The following ABR variants were observed in gnomAD, a reference collection of about 807,000 sequenced individuals.
ABR encodes the protein active breakpoint cluster region-related protein.
ABR carries 35 observed loss-of-function variants against 107.2 expected under a neutral mutation model. The observed-to-expected ratio is 0.33, with a 90% CI of 0.25 to 0.43. The LOEUF is 0.43. ABR is among the 20% of genes least tolerant of loss of function. The pLI, the probability that ABR is intolerant of heterozygous loss-of-function variation, is 1.00. For missense variants in ABR, 815 were observed against 1,115.2 expected (o/e 0.73, Z 3.83); for synonymous variants, 498 against 462.0 (o/e 1.08, Z -1.00).
rs2037810668 is a variant in ABR at position 1,100,812 on chromosome 17, C to T, written c.247-77G>A. The T allele has an allele frequency of 2.9e-6, 4 of 1,360,076 alleles. No homozygotes were observed. The African/African-American group carries it at 4.3e-5, about 15-fold the overall frequency. The allele number at this position is 1,360,076 out of a possible 1,614,324, so 84.3% of individuals were successfully genotyped here. A position where few individuals can be genotyped will look rare whatever the true frequency, so the allele number is the denominator to read the frequency against. ...CCTGCGTGGACGGTCTGCTTCCCTGCCCTTCCCCCCCGACCTTTATTTTTT... is the reference window on the plus strand; with the variant it reads ...CCTGCGTGGACGGTCTGCTTCCCTGTCCTTCCCCCCCGACCTTTATTTTTT... On this transcript the variant is annotated intron_variant, in intron 2 of 22. Transcript: ENST00000302538.
At chr17:1,177,452 G>T (rs750268946) in intron 1 of ABR, among the ~76,000 whole-genome samples, 38 of 152,330 alleles carry the variant, frequency 2.5e-4, no homozygotes, top group Non-Finnish European at 4.0e-4. Context: ...GTGCCAATCT[G>T]CCTGAATCAG....
At position 1,011,719 on chromosome 17, in the gene ABR, C is replaced by T. The variant is rs147649079; in HGVS notation, c.2101+127G>A. The stretch of plus-strand genomic sequence containing the variant: ...GGATTACAAGAGAAAGCACTTGCCA[C>T]GGGGACTCTGAAGCAGAGCAAGCCT... On this transcript the variant is annotated intron_variant, in intron 19 of 22. Coordinates refer to ENST00000302538, the MANE Select transcript of ABR (RefSeq NM_021962.5). This position sits in a 1 kb window ranked among gnomAD's most constrained non-coding sequence, Gnocchi z 4.8. 6.0e-4 allele frequency: 738 copies of T among 1,228,710 alleles called. 2 individuals are homozygous for T. Among genetic ancestry groups the T allele is most frequent in the Non-Finnish European group, 7.1e-4 (649 of 917,110 alleles). The allele number at this position is 1,228,710 out of a possible 1,614,324, so 76.1% of individuals were successfully genotyped here.
intron 1 of ABR, among the ~76,000 whole-genome samples, chr17:1,144,246 G>A (rs187452341): frequency 6.6e-6 from 1 of 152,186 alleles, no homozygotes; most frequent in South Asian, 2.1e-4. Flanking sequence ...GCCATGATAC[G>A]ACGAAAGCTG....
At chr17:1,075,777 C>T (rs1416444769) in intron 6 of ABR, among the ~76,000 whole-genome samples, 1 of 152,134 alleles carries the variant, frequency 6.6e-6, no homozygotes, top group African/African-American at 2.4e-5. Context: ...CAGGGTGGCT[C>T]ACGCCTGTAA....
intron 16 of ABR, among the ~76,000 whole-genome samples, chr17:1,041,362 C>G (rs140996466): frequency 6.6e-6 from 1 of 152,216 alleles, no homozygotes; most frequent in Non-Finnish European, 1.5e-5. Flanking sequence ...GTCACAGCAC[C>G]GACTGGCTCT....
intron 1 of ABR, among the ~76,000 whole-genome samples, chr17:1,170,327 G>A (rs555336427): frequency 2.0e-5 from 3 of 152,330 alleles, no homozygotes; most frequent in African/African-American, 7.2e-5. Flanking sequence ...GCACCGCTGT[G>A]AAGGGTAAGA....
chr17:1,190,735 C>T (rs2042413332), upstream of ABR, among the ~76,000 whole-genome samples: 1 of 152,144 alleles, frequency 6.6e-6, no homozygotes, highest in African/African-American at 2.4e-5. Context: ...GTGCCCGTCC[C>T]GTCTGCTCTC....
chr17:1,221,609 G>A (rs2043121084), intron 1 of ABR, among the ~76,000 whole-genome samples: 1 of 152,136 alleles, frequency 6.6e-6, no homozygotes. Flanking sequence ...CCAATCCCAG[G>A]TTCCACGGAA....
chr17:1,152,539 C>T (rs1290788731), intron 1 of ABR, among the ~76,000 whole-genome samples: 2 of 151,014 alleles, frequency 1.3e-5, no homozygotes, highest in East Asian at 1.9e-4. Context: ...TACAGTGAGC[C>T]GAGATCGCGC....
chr17:1,136,231 T>TTG (rs2040059724), intron 1 of ABR, among the ~76,000 whole-genome samples: 1 of 152,062 alleles, frequency 6.6e-6, no homozygotes, highest in Non-Finnish European at 1.5e-5. Context: ...TTTGTTTGGT[T>TTG]TTGTTGTTGT....
chr17:1,072,293 G>C (rs1035785400), intron 8 of ABR, among the ~76,000 whole-genome samples: 4 of 152,176 alleles, frequency 2.6e-5, no homozygotes, highest in Non-Finnish European at 5.9e-5. Context: ...GGTGACCAAG[G>C]GCTGAAAACC....
chr17:1,191,354 C>CTTTTTTTTTTTTTT (rs761910557), upstream of ABR, among the ~76,000 whole-genome samples: 101 of 96,458 alleles, frequency 1.0e-3, 2 homozygotes, highest in Non-Finnish European at 1.7e-3. Context: ...TTTTTCTTTT[C>CTTTTTTTTTTTTTT]TTTTTTTTTT....
At position 1,037,350 on chromosome 17, in the gene ABR, C is replaced by G. The variant is rs2073274994; in HGVS notation, c.1791+12700G>C. ...ACAGCTCCAGCCTCCCTCTGCCTGA[C>G]CTCCAGCCTCTCTCTGGCCACGTCA... On this transcript the variant is annotated intron_variant, in intron 16 of 22. Transcript: ENST00000302538. The surrounding 1 kb of genome is among the most constrained non-coding windows in gnomAD (Gnocchi z 4.6). 6.6e-6 allele frequency among the ~76,000 whole-genome samples: 1 copy of G among 152,168 alleles called. No individual in the cohort carries two copies. The highest frequency in any genetic ancestry group is 2.4e-5 in the African/African-American group (1 of 41,442).
At position 1,027,268 on chromosome 17, in the gene ABR, T is replaced by G. The variant is rs1439850184; in HGVS notation, c.1792-14104A>C. On this transcript the variant is annotated intron_variant, in intron 16 of 22. Transcript: ENST00000302538. This position sits in a 1 kb window ranked among gnomAD's most constrained non-coding sequence, Gnocchi z 4.7. ...CTGGCTGGCCAAGCCGTCTGTGGCCTGCAGGGAGGCCGGGGAGGACCAGCG... is the reference window on the plus strand; with the variant it reads ...CTGGCTGGCCAAGCCGTCTGTGGCCGGCAGGGAGGCCGGGGAGGACCAGCG... Among the ~76,000 whole-genome samples, 4 of 152,236 alleles carry G rather than the reference T, an allele frequency of 2.6e-5. No individual in the cohort carries two copies. Among genetic ancestry groups the G allele is most frequent in the Admixed American group, 2.6e-4 (4 of 15,296 alleles).
At chr17:1,112,954 A>ACGCCTGAC (rs1567779459) in intron 2 of ABR, among the ~76,000 whole-genome samples, 6 of 90,540 alleles carry the variant, frequency 6.6e-5, no homozygotes, top group Middle Eastern at 6.2e-3. Context: ...GCATTTGTTA[A>ACGCCTGAC]CCACCTGACC....
At chr17:1,012,118 A>G (rs2070629046) in intron 18 of ABR, 133 bp from the exon 19 acceptor site, 2 of 1,448,430 alleles carry the variant, frequency 1.4e-6, no homozygotes, top group Non-Finnish European at 9.5e-7. Context: ...GGGCAGGGGC[A>G]GGGCAGAGAA....
chr17:1,023,356 G>A (rs2071882784), intron 16 of ABR, among the ~76,000 whole-genome samples: 1 of 152,222 alleles, frequency 6.6e-6, no homozygotes, highest in African/African-American at 2.4e-5. Flanking sequence ...CTAGGGCTCC[G>A]TCTTCCTCAG....
chr17:1,201,888 A>G (rs927944056), intron 1 of ABR, among the ~76,000 whole-genome samples: 2 of 152,172 alleles, frequency 1.3e-5, no homozygotes, highest in Admixed American at 6.6e-5. Context: ...CGTGTTAGCC[A>G]GGATGCTCTC....
chr17:1,155,785 A>C (rs2041014679), intron 1 of ABR, among the ~76,000 whole-genome samples: 1 of 151,844 alleles, frequency 6.6e-6, no homozygotes, highest in Admixed American at 6.6e-5. Context: ...CCAACATAGT[A>C]AAACCCTGTC....
Sources: allele counts gnomAD v4.1 joint callset (sites outside exome capture counted in the v4.1 genomes callset), GRCh38; gene constraint gnomAD v4.1.1; non-coding constraint Gnocchi (gnomAD v3.1); transcripts MANE v1.5; gene names NCBI Gene and HGNC (gene_info 2026-07-23, HGNC 2026-07-21).